The following KRT34 variants were observed in gnomAD, a reference collection of about 807,000 sequenced individuals.
The protein encoded by KRT34 is keratin 34.
A neutral mutation model predicts 41.7 loss-of-function variants in KRT34; 31 were observed. The observed-to-expected ratio is 0.74, with a 90% CI of 0.56 to 1.00. KRT34 has a LOEUF of 1.00. Among genes scored for constraint, KRT34 ranks in the 50% least tolerant of loss-of-function variants. KRT34 has a pLI of 0.00. For missense variants in KRT34, 523 were observed against 500.3 expected, an observed-to-expected ratio of 1.05 and a Z score of -0.43; for synonymous variants, 224 against 212.9, an observed-to-expected ratio of 1.05 and a Z score of -0.45.
intron 3 of KRT34, 90 bp downstream of exon 3, chr17:41,380,966 C>T: frequency 7.6e-7 from 1 of 1,313,716 alleles, no homozygotes; most frequent in Admixed American, 1.7e-5. Context: ...GAGAAGGGTC[C>T]CAGACCAGGG....
intron 3 of KRT34, 26 bp downstream of exon 3, chr17:41,381,030 C>G (rs200436929): frequency 6.2e-7 from 1 of 1,611,672 alleles, no homozygotes. Flanking sequence ...AGTTCTGAGG[C>G]CTGCTTTTGT....
chr17:41,379,021 G>A lies in KRT34; in HGVS notation c.1032C>T (p.Asp344=), dbSNP rs141543111. 103 of 1,613,246 alleles carry A rather than the reference G, an allele frequency of 6.4e-5. No individual in the cohort carries two copies. The highest frequency in any genetic ancestry group is 5.4e-4 in the African/African-American group (40 of 74,642). Residue 344 remains aspartate (D), a synonymous_variant, in exon 6 of 7, where the codon GAC becomes GAT. Coordinates refer to ENST00000394001, the MANE Select transcript of KRT34 (RefSeq NM_001386014.1). ...TCTCACACTCCAGCCGGGCACGCACGTCCAGCAGCACCTGGTACTCCTGGT... is the reference window on the plus strand; with the variant it reads ...TCTCACACTCCAGCCGGGCACGCACATCCAGCAGCACCTGGTACTCCTGGT... ...RQNQEYQVLL[D]VRARLECEIN...
rs144999065 is a variant in KRT34 at position 41,379,040 on chromosome 17, T to C, written c.1013A>G (p.Glu338Gly). 5.0e-6 allele frequency: 8 copies of C among 1,614,146 alleles called. No individual in the cohort carries two copies. In the African/African-American group the frequency reaches 8.0e-5, roughly 16 times the overall value. ...ACGCACGTCCAGCAGCACCTGGTAC[T>C]CCTGGTTCTGCCGCTCCAGGTCACA... ...IRCDLERQNQ[E>G]YQVLLDVRAR... Residue 338 changes from glutamate to glycine, a missense_variant, in exon 6 of 7, where the codon GAG becomes GGG. Glu to Gly is a moderately conservative substitution (Grantham distance 98). Coordinates refer to ENST00000394001, the MANE Select transcript of KRT34 (RefSeq NM_001386014.1).
rs112831734 is a variant in KRT34, at chr17:41,381,976, G to A, written c.271C>T (p.Arg91Trp). The A allele has an allele frequency of 2.4e-4, 386 of 1,614,254 alleles. 2 individuals are homozygous for A. The African/African-American group carries it at 2.7e-3, about 11-fold the overall frequency. The part of the protein sequence containing the change: ...NAELEKLIQE[R>W]SQQQEPLLCP... ...AGCAAGGGCTCCTGCTGCTGGGACC[G>A]CTCCTGGATGAGTTTCTCCAGCTCC... The change falls in exon 1 of 7, where the codon CGG (arginine) becomes TGG (tryptophan). Residue 91 changes from arginine to tryptophan, a missense_variant. Coordinates refer to ENST00000394001, the MANE Select transcript of KRT34 (RefSeq NM_001386014.1).
chr17:41,381,938 G>A lies in KRT34; in HGVS notation c.309C>T (p.Tyr103=). ...QQQEPLLCPS[Y]QSYFKTIEEL... ...CCTCAATGGTCTTGAAGTAGGACTGGTAGCTGGGGCACAGCAAGGGCTCCT... is the reference window on the plus strand; with the variant it reads ...CCTCAATGGTCTTGAAGTAGGACTGATAGCTGGGGCACAGCAAGGGCTCCT... Residue 103 remains tyrosine (Y), a synonymous_variant, in exon 1 of 7, where the codon TAC becomes TAT. Coordinates refer to ENST00000394001, the MANE Select transcript of KRT34 (RefSeq NM_001386014.1). The A allele has an allele frequency of 6.2e-7, 1 of 1,614,268 alleles. No homozygotes were observed. The highest frequency in any genetic ancestry group is 8.5e-7 in the Non-Finnish European group (1 of 1,180,046).
chr17:41,378,009 T>C lies in KRT34; in HGVS notation c.*50A>G. On this transcript the variant is annotated 3_prime_UTR_variant, in exon 7 of 7. Coordinates refer to ENST00000394001, the MANE Select transcript of KRT34 (RefSeq NM_001386014.1). ...AGTCAGGACTTGAGGATCCTTCCTGTGGTTGATCTAAATGGCTTTGTAGAT... is the reference window on the plus strand; with the variant it reads ...AGTCAGGACTTGAGGATCCTTCCTGCGGTTGATCTAAATGGCTTTGTAGAT... The C allele has an allele frequency of 7.3e-7, 1 of 1,363,780 alleles. No homozygotes were observed. Among genetic ancestry groups the C allele is most frequent in the East Asian group, 2.3e-5 (1 of 43,412 alleles). The allele number at this position is 1,363,780 out of a possible 1,614,324, so 84.5% of individuals were successfully genotyped here. A position where few individuals can be genotyped will look rare whatever the true frequency, so the allele number is the denominator to read the frequency against.
intron 5 of KRT34, 59 bp from the exon 6 acceptor site, chr17:41,379,235 G>T (rs1314042222): frequency 6.2e-7 from 1 of 1,609,248 alleles, no homozygotes; most frequent in Non-Finnish European, 8.5e-7. Flanking sequence ...TTTCTTCACA[G>T]GATTACAAGG....
rs1293726115 is a variant in KRT34, at chr17:41,377,939, A to G, written c.*120T>C. ...AGCTTTTCAGCATTCTAGAAATAAC[A>G]TAGAGGCAAGATGAGGTTTCTTGAT... is the stretch of plus-strand genomic sequence containing the variant. On this transcript the variant is annotated 3_prime_UTR_variant, in exon 7 of 7. Coordinates refer to ENST00000394001, the MANE Select transcript of KRT34 (RefSeq NM_001386014.1). 6 of 691,392 alleles carry G rather than the reference A, an allele frequency of 8.7e-6. No homozygotes were observed. The highest frequency in any genetic ancestry group is 1.8e-5 in the South Asian group (1 of 56,188). 42.8% of individuals were successfully genotyped at this position (691,392 alleles called of 1,614,324 possible).
intron 2 of KRT34, 24 bp downstream of exon 2, chr17:41,381,689 T>C (rs370145628): frequency 1.8e-4 from 294 of 1,606,500 alleles, no homozygotes; most frequent in East Asian, 5.4e-4. Flanking sequence ...GAAAGAACCA[T>C]AGGGACCTTG....
Position 41,378,943 on chromosome 17 carries a change from G to A in KRT34, c.1097+13C>T. On this transcript the variant is annotated intron_variant, in intron 6 of 6. Transcript: ENST00000394001. ...TACACATTCTTCCCAGACATTATTT[G>A]CCCCATACTCACTTGCAGTCCTCAC... is the stretch of plus-strand genomic sequence containing the variant. 1 of 1,613,906 alleles carries A rather than the reference G, an allele frequency of 6.2e-7. No individual in the cohort carries two copies. The highest frequency in any genetic ancestry group is 8.5e-7 in the Non-Finnish European group (1 of 1,179,828).
At chr17:41,379,315 G>C (rs1356645546) in intron 5 of KRT34, 38 bp downstream of exon 5, 1 of 1,612,832 alleles carries the variant, frequency 6.2e-7, no homozygotes, top group East Asian at 2.2e-5. Context: ...TGCCTCCCAA[G>C]TTCCCATCGC....
At chr17:41,382,841 T>A (rs1300516130), upstream of KRT34, among the ~76,000 whole-genome samples, 3 of 152,162 alleles carry the variant, frequency 2.0e-5, no homozygotes, top group Non-Finnish European at 4.4e-5. Flanking sequence ...TTTAGGGAAC[T>A]TGCCAACACA....
intron 5 of KRT34, 21 bp downstream of exon 5, chr17:41,379,332 G>T: frequency 6.2e-7 from 1 of 1,613,130 alleles, no homozygotes; most frequent in Non-Finnish European, 8.5e-7. Flanking sequence ...TCGCTCACCA[G>T]CAGGTCTGAA....
chr17:41,381,268 A>G lies in KRT34; in HGVS notation c.432-56T>C, dbSNP rs577124838. 34 of 1,564,268 alleles carry G rather than the reference A, an allele frequency of 2.2e-5. No individual in the cohort carries two copies. The Admixed American group carries it at 3.7e-4, about 17-fold the overall frequency. Reference sequence around the variant, plus strand: ...GGAAAGAAAACCACCTTCCCCTCTCATGTGTTGTTTGGGTAGAATTGGCCT... The same window carrying G: ...GGAAAGAAAACCACCTTCCCCTCTCGTGTGTTGTTTGGGTAGAATTGGCCT... On this transcript the variant is annotated intron_variant, in intron 2 of 6. Coordinates refer to ENST00000394001, the MANE Select transcript of KRT34 (RefSeq NM_001386014.1).
Position 41,381,111 on chromosome 17 carries a change from G to C in KRT34, c.533C>G (p.Ser178Cys). ...ELTLCKSDLE[S>C]QVESLREELI... is the part of the protein sequence containing the mutation. ...CTCCTCCCTCAGGGACTCCACCTGG[G>C]ACTCCAGGTCAGACTTGCAGAGGGT... Residue 178 changes from serine (S) to cysteine (C), a missense_variant, in exon 3 of 7, where the codon TCC (serine) becomes TGC (cysteine). By Grantham distance (112) the Ser-to-Cys change is moderately radical (BLOSUM62 -1). Transcript: ENST00000394001. 1 of 1,613,698 alleles carries C rather than the reference G, an allele frequency of 6.2e-7. No individual in the cohort carries two copies. The highest frequency in any genetic ancestry group is 8.5e-7 in the Non-Finnish European group (1 of 1,179,634).
upstream of KRT34, among the ~76,000 whole-genome samples, chr17:41,383,358 T>G (rs1246563446): frequency 1.3e-5 from 2 of 152,210 alleles, no homozygotes; most frequent in African/African-American, 4.8e-5. Flanking sequence ...CCCATTTGTT[T>G]AGCTATTGTA....
chr17:41,378,841 C>G, intron 6 of KRT34, 115 bp downstream of exon 6: 1 of 1,411,290 alleles, frequency 7.1e-7, no homozygotes, highest in Non-Finnish European at 9.9e-7. Context: ...TCACTGGACA[C>G]ATGCTACACA....
chr17:41,381,925 T>G lies in KRT34; in HGVS notation c.322A>C (p.Lys108Gln). Reference protein sequence around the residue: ...LLCPSYQSYFKTIEELQQKIL... With the variant: ...LLCPSYQSYFQTIEELQQKIL... ...TTCTGCTGGAGCTCCTCAATGGTCT[T>G]GAAGTAGGACTGGTAGCTGGGGCAC... Residue 108 changes from lysine to glutamine, a missense_variant, in exon 1 of 7, where the codon AAG becomes CAG. Lys to Gln is a moderately conservative substitution (Grantham distance 53). Transcript: ENST00000394001. The G allele has an allele frequency of 6.2e-7, 1 of 1,614,236 alleles. No homozygotes were observed. The highest frequency in any genetic ancestry group is 1.1e-5 in the South Asian group (1 of 91,082).
upstream of KRT34, among the ~76,000 whole-genome samples, chr17:41,382,673 C>T (rs373669127): frequency 6.6e-6 from 1 of 152,176 alleles, no homozygotes; most frequent in Non-Finnish European, 1.5e-5. Context: ...TGTTCTTTCT[C>T]CCCAGAGAGA....
Sources: allele counts gnomAD v4.1 joint callset (sites outside exome capture counted in the v4.1 genomes callset), GRCh38; gene constraint gnomAD v4.1.1; transcripts MANE v1.5; gene names NCBI Gene and HGNC (gene_info 2026-07-23, HGNC 2026-07-21).